OSBPL8: variants seen among roughly 807,000 people sequenced by gnomAD.
OSBPL8 encodes the protein oxysterol binding protein like 8, also known as oxysterol-binding protein-related protein 8.
OSBPL8 carries 59 observed loss-of-function variants against 125.5 expected under a neutral mutation model. That is an observed-to-expected ratio of 0.47 (90% CI 0.38 to 0.58). The LOEUF (loss-of-function observed/expected upper bound fraction) is 0.58. Among genes scored for constraint, OSBPL8 ranks in the 20% least tolerant of loss-of-function variants. The pLI, the probability that OSBPL8 is intolerant of heterozygous loss-of-function variation, is 0.00. For missense variants in OSBPL8, 758 were observed against 1,047.8 expected (o/e 0.72, Z 3.82); for synonymous variants, 330 against 338.9 (o/e 0.97, Z 0.29).
chr12:76,527,579 G>T (rs1005255503), intron 1 of OSBPL8, among the ~76,000 whole-genome samples: 1 of 152,146 alleles, frequency 6.6e-6, no homozygotes, highest in Non-Finnish European at 1.5e-5. Context: ...TCTACGGGTA[G>T]TTCTTTAAAG....
rs778598837 is a variant in OSBPL8, at chr12:76,358,763, C to T, written c.2377G>A (p.Val793Ile). The T allele has an allele frequency of 3.7e-6, 6 of 1,613,972 alleles. No homozygotes were observed. The highest frequency in any genetic ancestry group is 5.1e-6 in the Non-Finnish European group (6 of 1,179,986). Residue 793 changes from valine (V) to isoleucine (I), a missense_variant, in exon 22 of 24, where the codon GTA (valine) becomes ATA (isoleucine). Val to Ile is a conservative substitution (Grantham distance 29, BLOSUM62 3). Transcript: ENST00000261183. ...TCTGGGGAGGAATAGCCTTTTGCTA[C>T]TTTCTTCTGTTGCCTGGTTGGCTTA... The part of the protein sequence containing the change: ...KHKPTRQQKK[V>I]AKGYSSPEPD...
chr12:76,495,701 T>C (rs1879200174), intron 1 of OSBPL8, among the ~76,000 whole-genome samples: 1 of 151,322 alleles, frequency 6.6e-6, no homozygotes, highest in Non-Finnish European at 1.5e-5. Context: ...TACATATTAC[T>C]CTTCCATCAC....
chr12:76,490,935 C>T lies in OSBPL8; in HGVS notation c.-67-3317G>A, dbSNP rs182127875. On this transcript the variant is annotated intron_variant, in intron 1 of 23. Coordinates refer to ENST00000261183, the MANE Select transcript of OSBPL8 (RefSeq NM_020841.5). ...GCTCCTGCCAGTGCCCAAAAGCACT[C>T]GCTCTGACTCCTGCACCTGCTCACC... 1.6e-3 allele frequency among the ~76,000 whole-genome samples: 248 copies of T among 152,342 alleles called. 1 individual carries two copies. Among genetic ancestry groups the T allele is most frequent in the Admixed American group, 2.9e-3 (44 of 15,296 alleles).
chr12:76,511,334 GGCTGA>G (rs1170899518), intron 1 of OSBPL8, among the ~76,000 whole-genome samples: 1 of 152,130 alleles, frequency 6.6e-6, no homozygotes, highest in African/African-American at 2.4e-5. Context: ...CTTTCCACAT[GGCTGA>G]GCTAATTTAC....
intron 1 of OSBPL8, among the ~76,000 whole-genome samples, chr12:76,542,547 G>A (rs529908186): frequency 1.6e-4 from 24 of 152,272 alleles, no homozygotes; most frequent in African/African-American, 5.8e-4. Flanking sequence ...ACAGGTCTGG[G>A]GTGGAGTCCA....
chr12:76,456,749 T>G (rs980206564), intron 3 of OSBPL8, among the ~76,000 whole-genome samples: 2 of 152,168 alleles, frequency 1.3e-5, no homozygotes, highest in Non-Finnish European at 2.9e-5. Context: ...TTGTATTATG[T>G]AATACAATAT....
chr12:76,455,800 T>C (rs569453881), intron 3 of OSBPL8, among the ~76,000 whole-genome samples: 2 of 152,352 alleles, frequency 1.3e-5, no homozygotes, highest in African/African-American at 4.8e-5. Flanking sequence ...AGTGACTTTT[T>C]TTCTGTATCC....
Position 76,399,932 on chromosome 12 carries a change from T to C in OSBPL8, c.409A>G (p.Lys137Glu). ...TCTGTGATTGTACTGAGCAGCTCCTTTGTGGCTCTTTTCTTTTCTTCTCGG... is the reference window on the plus strand; with the variant it reads ...TCTGTGATTGTACTGAGCAGCTCCTCTGTGGCTCTTTTCTTTTCTTCTCGG... ...NYREEKKRAT[K>E]ELLSTITDPS... The change falls in exon 7 of 24, where the codon AAG becomes GAG. Residue 137 changes from lysine (K) to glutamate (E), a missense_variant. Around this residue, in one of 3 missense-constraint regions of OSBPL8, gnomAD observed 69 missense variants for 148.7 expected, o/e 0.46. Transcript: ENST00000261183. 1 of 1,608,276 alleles carries C rather than the reference T, an allele frequency of 6.2e-7. No homozygotes were observed. The highest frequency in any genetic ancestry group is 8.5e-7 in the Non-Finnish European group (1 of 1,178,638).
chr12:76,394,491 C>T (rs1953710133), intron 9 of OSBPL8, among the ~76,000 whole-genome samples, 154 bp downstream of exon 9: 2 of 152,096 alleles, frequency 1.3e-5, no homozygotes, highest in African/African-American at 4.8e-5. Flanking sequence ...TATTAAGTTA[C>T]TCATATATTT....
chr12:76,528,672 TCA>T (rs140199626), intron 1 of OSBPL8, among the ~76,000 whole-genome samples: 6 of 149,982 alleles, frequency 4.0e-5, no homozygotes, highest in South Asian at 2.1e-4. Flanking sequence ...TGTAACAGAA[TCA>T]CACACACACA....
intron 4 of OSBPL8, among the ~76,000 whole-genome samples, chr12:76,414,899 T>C (rs751842942): frequency 6.6e-6 from 1 of 152,222 alleles, no homozygotes; most frequent in Non-Finnish European, 1.5e-5. Flanking sequence ...TCTGTTAGTG[T>C]AGTGAACCAC....
chr12:76,553,113 T>C (rs1471672919), intron 1 of OSBPL8, among the ~76,000 whole-genome samples: 2 of 152,130 alleles, frequency 1.3e-5, no homozygotes, highest in Admixed American at 1.3e-4. Flanking sequence ...CCCACCTCAT[T>C]ACTCTACCCG....
chr12:76,555,500 G>A (rs1951066642), intron 1 of OSBPL8, among the ~76,000 whole-genome samples: 1 of 152,048 alleles, frequency 6.6e-6, no homozygotes, highest in African/African-American at 2.4e-5. Context: ...CATGATAAAC[G>A]AATCAAAATA....
At chr12:76,357,080 T>C (rs1952014709) in intron 22 of OSBPL8, among the ~76,000 whole-genome samples, 1 of 152,216 alleles carries the variant, frequency 6.6e-6, no homozygotes, top group Non-Finnish European at 1.5e-5. Flanking sequence ...TGAGCCCTTT[T>C]TTCCAATTTT....
chr12:76,521,204 G>C (rs1882035587), intron 1 of OSBPL8, among the ~76,000 whole-genome samples: 1 of 152,142 alleles, frequency 6.6e-6, no homozygotes, highest in South Asian at 2.1e-4. Context: ...TTCCACAACA[G>C]TCAAAACTCA....
intron 4 of OSBPL8, among the ~76,000 whole-genome samples, chr12:76,445,363 G>A (rs11835472): frequency 0.51 from 77,019 of 151,932 alleles, 21,252 homozygotes; most frequent in African/African-American, 0.72. Context: ...TGAATCATAG[G>A]AAAAACTGAT....
rs1449255441 is a variant in OSBPL8, at chr12:76,459,964, GA to G, written c.43-70del. Reference sequence around the variant, plus strand: ...ATCAGGAAGAAGCAAAATGCATCAGGACGGAAACAGCAGTGAAACAAAAGGA... The same window carrying G: ...ATCAGGAAGAAGCAAAATGCATCAGGCGGAAACAGCAGTGAAACAAAAGGA... On this transcript the variant is annotated intron_variant, in intron 2 of 23. Transcript: ENST00000261183. 8 of 1,481,142 alleles carry G rather than the reference GA, an allele frequency of 5.4e-6. No homozygotes were observed. In the African/African-American group the frequency reaches 1.1e-4, roughly 20 times the overall value. 91.7% of individuals were successfully genotyped at this position (1,481,142 alleles called of 1,614,324 possible).
intron 2 of OSBPL8, among the ~76,000 whole-genome samples, chr12:76,462,961 C>T (rs1874928815): frequency 6.6e-6 from 1 of 152,094 alleles, no homozygotes; most frequent in South Asian, 2.1e-4. Context: ...AAACAGATGT[C>T]AGGTTGTATA....
At chr12:76,447,136 C>A (rs193083695) in intron 4 of OSBPL8, among the ~76,000 whole-genome samples, 5 of 152,272 alleles carry the variant, frequency 3.3e-5, no homozygotes, top group African/African-American at 1.2e-4. Context: ...AGTTAATGAT[C>A]ATCAAAGGAT....
Sources: allele counts gnomAD v4.1 joint callset (sites outside exome capture counted in the v4.1 genomes callset), GRCh38; gene constraint gnomAD v4.1.1; regional missense constraint gnomAD v4.1.1; transcripts MANE v1.5; gene names NCBI Gene and HGNC (gene_info 2026-07-23, HGNC 2026-07-21).